PRDM16: variants seen among roughly 807,000 people sequenced by gnomAD.
The protein encoded by PRDM16 is histone-lysine N-methyltransferase PRDM16.
PRDM16 carries 23 observed loss-of-function variants against 110.6 expected under a neutral mutation model. That is an observed-to-expected ratio of 0.21 (90% CI 0.15 to 0.29). The LOEUF (loss-of-function observed/expected upper bound fraction) is 0.29, where lower values mean the gene tolerates loss of function less well. PRDM16 is among the 10% of genes least tolerant of loss of function. The pLI, the probability that PRDM16 is intolerant of heterozygous loss-of-function variation, is 1.00. For synonymous variants in PRDM16, 799 were observed against 781.8 expected, an observed-to-expected ratio of 1.02 and a Z score of -0.37; for missense variants, 1,615 against 1,794.3, an observed-to-expected ratio of 0.90 and a Z score of 1.81.
At chr1:3,405,458 C>T (rs1643546091) in intron 7 of PRDM16, 37 bp from the exon 8 acceptor site, 6 of 1,516,400 alleles carry the variant, frequency 4.0e-6, no homozygotes, top group Non-Finnish European at 5.3e-6. Context: ...GGCGGGTGTC[C>T]AGGCAGGGCA....
chr1:3,074,679 A>G (rs1641855898), intron 1 of PRDM16, among the ~76,000 whole-genome samples: 1 of 152,052 alleles, frequency 6.6e-6, no homozygotes, highest in Middle Eastern at 3.2e-3. Context: ...TGCACCCTCC[A>G]CACTCCCTCG....
At chr1:3,249,121 C>G (rs1639865043) in intron 3 of PRDM16, among the ~76,000 whole-genome samples, 2 of 152,266 alleles carry the variant, frequency 1.3e-5, no homozygotes, top group East Asian at 3.9e-4. Flanking sequence ...CAGCACCACG[C>G]AGCCGGAGAC....
intron 3 of PRDM16, among the ~76,000 whole-genome samples, chr1:3,317,468 T>A (rs1641637064): frequency 6.6e-6 from 1 of 152,224 alleles, no homozygotes; most frequent in Non-Finnish European, 1.5e-5. Context: ...GGTCCTGGTG[T>A]CCGGCATGAG....
At chr1:3,366,227 G>A (rs941511991) in intron 3 of PRDM16, among the ~76,000 whole-genome samples, 6 of 152,234 alleles carry the variant, frequency 3.9e-5, no homozygotes, top group South Asian at 2.1e-4. Flanking sequence ...CACTGAGCAC[G>A]ACCATGACTT....
At chr1:3,344,242 A>G (rs1384385678) in intron 3 of PRDM16, among the ~76,000 whole-genome samples, 2 of 152,148 alleles carry the variant, frequency 1.3e-5, no homozygotes, top group Non-Finnish European at 2.9e-5. Context: ...CAAGGCTAAG[A>G]TGGGAAGATG....
At chr1:3,261,386 C>T (rs1640161460) in intron 3 of PRDM16, among the ~76,000 whole-genome samples, 1 of 152,146 alleles carries the variant, frequency 6.6e-6, no homozygotes, top group Non-Finnish European at 1.5e-5. Flanking sequence ...GACTTGGTTT[C>T]CATGCAGCCT....
chr1:3,411,088 G>T (rs1440316415), intron 8 of PRDM16, among the ~76,000 whole-genome samples: 1 of 152,116 alleles, frequency 6.6e-6, no homozygotes, highest in Non-Finnish European at 1.5e-5. Context: ...GTGTGCACAC[G>T]TGTGCACACT....
chr1:3,219,137 A>G (rs2651903), intron 2 of PRDM16, among the ~76,000 whole-genome samples: 5,862 of 152,340 alleles, frequency 0.038, 230 homozygotes, highest in East Asian at 0.12. Flanking sequence ...TGCATTTTCA[A>G]CACAGCCTCA....
Position 3,287,313 on chromosome 1 carries a change from GCC to G in PRDM16, c.438+43177_438+43178del, listed in dbSNP as rs1557582881. Among the ~76,000 whole-genome samples the G allele has an allele frequency of 5.9e-4, 81 of 138,314 alleles. 1 individual carries two copies. The highest frequency in any genetic ancestry group is 7.2e-4 in the Non-Finnish European group (46 of 64,104). 90.7% of individuals were successfully genotyped at this position (138,314 alleles called of 152,430 possible). A position where few individuals can be genotyped will look rare whatever the true frequency, so the allele number is the denominator to read the frequency against. ...CAGGATTGCATTTACCGGGGCTGGA[GCC>G]GCCCCGCCACGCGGGCATCCAGGAT... On this transcript the variant is annotated intron_variant, in intron 3 of 16. Coordinates refer to ENST00000270722, the MANE Select transcript of PRDM16 (RefSeq NM_022114.4).
chr1:3,419,375 C>T (rs577961392), intron 12 of PRDM16, among the ~76,000 whole-genome samples: 7 of 152,314 alleles, frequency 4.6e-5, no homozygotes, highest in African/African-American at 7.2e-5. Context: ...CACAGCTCAT[C>T]GGGATGGGGG....
At chr1:3,342,734 C>T (rs1392579659) in intron 3 of PRDM16, among the ~76,000 whole-genome samples, 4 of 152,210 alleles carry the variant, frequency 2.6e-5, no homozygotes, top group East Asian at 3.8e-4. Flanking sequence ...TAAAGACATC[C>T]ACGCATAAGG....
intron 1 of PRDM16, among the ~76,000 whole-genome samples, chr1:3,161,498 C>T (rs1053532230): frequency 5.9e-5 from 9 of 152,168 alleles, no homozygotes; most frequent in African/African-American, 1.9e-4. Context: ...TGGAAAACCT[C>T]TTTGTGGATG....
At chr1:3,377,163 G>A (rs1290209734) in intron 3 of PRDM16, among the ~76,000 whole-genome samples, 1 of 152,240 alleles carries the variant, frequency 6.6e-6, no homozygotes, top group Non-Finnish European at 1.5e-5. Flanking sequence ...AGGGGGTCAG[G>A]GTAAGGAGAC....
At chr1:3,295,425 G>C (rs993836488) in intron 3 of PRDM16, among the ~76,000 whole-genome samples, 1 of 152,160 alleles carries the variant, frequency 6.6e-6, no homozygotes, top group South Asian at 2.1e-4. Flanking sequence ...ACGGAGGTGC[G>C]ACTTCCTCCC....
rs1227086935 is a variant in PRDM16, at chr1:3,359,471, A to G, written c.439-25681A>G. 6.6e-6 allele frequency among the ~76,000 whole-genome samples: 1 copy of G among 152,040 alleles called. No individual in the cohort carries two copies. ...ACCTTCTAAGTAAACACACTTAAAAAAGCACAAAGCAGCAAGAATTGCGGC... is the reference window on the plus strand; with the variant it reads ...ACCTTCTAAGTAAACACACTTAAAAGAGCACAAAGCAGCAAGAATTGCGGC... On this transcript the variant is annotated intron_variant, in intron 3 of 16. Transcript: ENST00000270722. This position sits in a 1 kb window ranked among gnomAD's most constrained non-coding sequence, Gnocchi z 4.3.
At chr1:3,166,719 C>T (rs942910567) in intron 1 of PRDM16, among the ~76,000 whole-genome samples, 3 of 152,162 alleles carry the variant, frequency 2.0e-5, no homozygotes, top group African/African-American at 4.8e-5. Flanking sequence ...AACCACAGCG[C>T]GGCCTGGGGC....
chr1:3,142,857 A>G (rs943184288), intron 1 of PRDM16, among the ~76,000 whole-genome samples: 1 of 152,210 alleles, frequency 6.6e-6, no homozygotes, highest in African/African-American at 2.4e-5. Context: ...CTGGTGTTAC[A>G]GGCTGCGGAG....
intron 5 of PRDM16, 63 bp from the exon 6 acceptor site, chr1:3,402,727 TC>T (rs1417802065): frequency 2.1e-6 from 3 of 1,453,700 alleles, no homozygotes; most frequent in Non-Finnish European, 2.9e-6. Context: ...GTCTCCAGAG[TC>T]CCCTGATAGC....
chr1:3,366,090 G>A (rs368820626), intron 3 of PRDM16, among the ~76,000 whole-genome samples: 1 of 152,368 alleles, frequency 6.6e-6, no homozygotes, highest in Non-Finnish European at 1.5e-5. Context: ...GGAAGATGGC[G>A]AAGAGGTGAG....
Sources: gnomAD v4.1 joint callset for allele counts (sites outside exome capture counted in the v4.1 genomes callset) on GRCh38, gnomAD v4.1.1 for gene constraint, Gnocchi (gnomAD v3.1) non-coding constraint, MANE v1.5 for transcripts, NCBI Gene and HGNC (gene_info 2026-07-23, HGNC 2026-07-21) for gene names.